PHKB: variants seen among roughly 807,000 people sequenced by gnomAD.
PHKB encodes the protein phosphorylase b kinase regulatory subunit beta.
Under a neutral mutation model 152.1 loss-of-function variants are expected in PHKB, and 122 were observed. The observed-to-expected ratio is 0.80, with a 90% CI of 0.69 to 0.93. The LOEUF (loss-of-function observed/expected upper bound fraction) is 0.93, where lower values mean the gene tolerates loss of function less well. Among genes scored for constraint, PHKB ranks in the 40% least tolerant of loss-of-function variants. PHKB has a pLI of 0.00. For missense variants in PHKB, 1,304 were observed against 1,328.4 expected, an observed-to-expected ratio of 0.98 and a Z score of 0.29; for synonymous variants, 436 against 464.9, an observed-to-expected ratio of 0.94 and a Z score of 0.80.
At chr16:47,510,088 T>C (rs1970484460) in intron 4 of PHKB, among the ~76,000 whole-genome samples, 1 of 152,090 alleles carries the variant, frequency 6.6e-6, no homozygotes, top group African/African-American at 2.4e-5. Flanking sequence ...CCAGATGAAG[T>C]GGTAGAAGGT....
rs371263109 is a variant in PHKB, at chr16:47,644,272, G to C, written c.1608+2580G>C. 5.9e-5 allele frequency among the ~76,000 whole-genome samples: 9 copies of C among 152,360 alleles called. No individual in the cohort carries two copies. In the East Asian group the frequency reaches 9.6e-4, roughly 16 times the overall value. On this transcript the variant is annotated intron_variant, in intron 16 of 30. Transcript: ENST00000323584. Reference sequence around the variant, plus strand: ...GCTTACAAAGCACTGTTTCTGGCCAGTTGACTTTGTCTAAAACCACTGCTA... The same window carrying C: ...GCTTACAAAGCACTGTTTCTGGCCACTTGACTTTGTCTAAAACCACTGCTA...
At chr16:47,467,007 G>A (rs755771304) in intron 1 of PHKB, among the ~76,000 whole-genome samples, 20 of 152,086 alleles carry the variant, frequency 1.3e-4, no homozygotes, top group Non-Finnish European at 2.6e-4. Flanking sequence ...TTGAGATTCA[G>A]CTTCTTGCTT....
intron 8 of PHKB, among the ~76,000 whole-genome samples, chr16:47,580,597 A>G (rs1971827329): frequency 6.6e-6 from 1 of 150,820 alleles, no homozygotes; most frequent in African/African-American, 2.4e-5. Flanking sequence ...TTGATAAAGA[A>G]TTCTGATTTC....
intron 14 of PHKB, among the ~76,000 whole-genome samples, chr16:47,630,611 A>T (rs1444160552): frequency 6.6e-6 from 1 of 152,202 alleles, no homozygotes; most frequent in Admixed American, 6.5e-5. Context: ...TCTACTCCCC[A>T]TGAATGTAGC....
chr16:47,680,102 C>A (rs1435905189), intron 26 of PHKB, among the ~76,000 whole-genome samples: 1 of 152,190 alleles, frequency 6.6e-6, no homozygotes, highest in Non-Finnish European at 1.5e-5. Context: ...ACCAGCCTTA[C>A]ATCTCAGGGA....
At chr16:47,591,650 T>C (rs1597108271) in intron 10 of PHKB, among the ~76,000 whole-genome samples, 3 of 152,240 alleles carry the variant, frequency 2.0e-5, no homozygotes, top group African/African-American at 2.4e-5. Flanking sequence ...TGTGAACTCT[T>C]AGCTTCAGCT....
intron 13 of PHKB, chr16:47,598,641 G>T (rs1972165215): frequency 3.4e-6 from 5 of 1,462,390 alleles, no homozygotes; most frequent in African/African-American, 1.4e-5. Flanking sequence ...ACACACCAAA[G>T]TCACTTAATA....
intron 6 of PHKB, among the ~76,000 whole-genome samples, chr16:47,534,805 A>G (rs1297509022): frequency 1.3e-5 from 2 of 152,216 alleles, no homozygotes; most frequent in Non-Finnish European, 2.9e-5. Flanking sequence ...TCACAACATT[A>G]TTTCTATGAT....
intron 1 of PHKB, chr16:47,463,166 T>G (rs1969605959): frequency 6.6e-6 from 1 of 152,628 alleles, no homozygotes; most frequent in African/African-American, 2.4e-5. Context: ...GCTCATAGAG[T>G]TGATTTTCTT....
At chr16:47,600,787 A>G (rs139517619) in intron 13 of PHKB, among the ~76,000 whole-genome samples, 1 of 152,358 alleles carries the variant, frequency 6.6e-6, no homozygotes, top group Non-Finnish European at 1.5e-5. Context: ...ATACATGAAG[A>G]TACAGTATTG....
Position 47,547,430 on chromosome 16 carries a change from T to G in PHKB, c.595-3T>G, listed in dbSNP as rs1283604034. 7 of 1,555,572 alleles carry G rather than the reference T, an allele frequency of 4.5e-6. No individual in the cohort carries two copies. Among genetic ancestry groups the G allele is most frequent in the Non-Finnish European group, 6.2e-6 (7 of 1,127,056 alleles). On this transcript the variant is annotated splice_polypyrimidine_tract_variant and splice_region_variant and intron_variant, in intron 6 of 30. Transcript: ENST00000323584. ...CCTTATGTTTCATTTCTTTTTCTTTTAGGTCTCTTTTATTCAAAACCTTGT... is the reference window on the plus strand; with the variant it reads ...CCTTATGTTTCATTTCTTTTTCTTTGAGGTCTCTTTTATTCAAAACCTTGT...
In PHKB at chr16:47,547,786, A is replaced by G. The variant is rs568250118; in HGVS notation, c.710+238A>G. The G allele has an allele frequency of 1.3e-5, 6 of 477,056 alleles. No individual in the cohort carries two copies. In the East Asian group the frequency reaches 2.5e-4, roughly 20 times the overall value. The allele number at this position is 477,056 out of a possible 1,614,324, so 29.6% of individuals were successfully genotyped here. On this transcript the variant is annotated intron_variant, in intron 7 of 30. Transcript: ENST00000323584. ...TTTCCCAACCTCCCAAGGTGTCAGT[A>G]CATGCATGTCAGCCCTCATCATTAA...
chr16:47,663,704 T>A lies in PHKB; in HGVS notation c.2306T>A (p.Val769Asp), dbSNP rs765968570. Reference protein sequence around the residue: ...EGTVSDHIERVYRRAGSQKLW... With the variant: ...EGTVSDHIERDYRRAGSQKLW... ...ACCGTTTCTGATCACATTGAGAGAG[T>A]CTATAGAAGAGCTGGCAGCCAAAAA... Residue 769 changes from valine (V) to aspartate (D), a missense_variant, in exon 24 of 31, where the codon GTC (valine) becomes GAC (aspartate). Transcript: ENST00000323584. 1 of 1,612,440 alleles carries A rather than the reference T, an allele frequency of 6.2e-7. No individual in the cohort carries two copies. Among genetic ancestry groups the A allele is most frequent in the East Asian group, 2.2e-5 (1 of 44,832 alleles).
intron 6 of PHKB, among the ~76,000 whole-genome samples, chr16:47,545,475 T>C (rs1055969654): frequency 6.6e-6 from 1 of 152,262 alleles, no homozygotes; most frequent in Admixed American, 6.5e-5. Flanking sequence ...GTTAGTCTGA[T>C]GGGCTTCCCT....
chr16:47,509,366 A>G (rs772676094), intron 4 of PHKB, among the ~76,000 whole-genome samples: 2 of 152,144 alleles, frequency 1.3e-5, no homozygotes, highest in East Asian at 3.9e-4. Flanking sequence ...CTAGGTCCTG[A>G]TTACATACTG....
chr16:47,485,025 T>C (rs1285867686), intron 1 of PHKB, among the ~76,000 whole-genome samples: 1 of 152,234 alleles, frequency 6.6e-6, no homozygotes, highest in Non-Finnish European at 1.5e-5. Context: ...TATACATATA[T>C]AGTTATTGTT....
chr16:47,574,045 G>A (rs545488433), intron 7 of PHKB, among the ~76,000 whole-genome samples: 1 of 152,166 alleles, frequency 6.6e-6, no homozygotes, highest in Non-Finnish European at 1.5e-5. Context: ...TCAGCCTCCT[G>A]AGTAGCTGAG....
At chr16:47,564,546 G>A (rs1971532782) in intron 7 of PHKB, among the ~76,000 whole-genome samples, 2 of 151,676 alleles carry the variant, frequency 1.3e-5, no homozygotes, top group South Asian at 4.2e-4. Flanking sequence ...TGATTTGCTT[G>A]AGTTCCTTAT....
chr16:47,553,572 C>T (rs1029157490), intron 7 of PHKB, among the ~76,000 whole-genome samples: 1 of 152,054 alleles, frequency 6.6e-6, no homozygotes, highest in Non-Finnish European at 1.5e-5. Context: ...AGTTTTGTTC[C>T]CTTGCTGGCA....
Sources: allele counts gnomAD v4.1 joint callset (sites outside exome capture counted in the v4.1 genomes callset), GRCh38; gene constraint gnomAD v4.1.1; transcripts MANE v1.5; gene names NCBI Gene and HGNC (gene_info 2026-07-23, HGNC 2026-07-21).